CDC42BPA: variants seen among roughly 807,000 people sequenced by gnomAD.
The protein encoded by CDC42BPA is serine/threonine-protein kinase MRCK alpha.
CDC42BPA carries 80 observed loss-of-function variants against 223.5 expected under a neutral mutation model. The observed-to-expected ratio is 0.36, with a 90% CI of 0.30 to 0.43. The LOEUF is 0.43. CDC42BPA is among the 20% of genes least tolerant of loss of function. The probability of loss-of-function intolerance (pLI) is 1.00; values close to 1 mark genes in which losing one functional copy is unlikely to be tolerated. For missense variants in CDC42BPA, 1,743 were observed against 2,099.9 expected (o/e 0.83, Z 3.32); for synonymous variants, 694 against 718.6 (o/e 0.97, Z 0.55).
Position 227,180,206 on chromosome 1 carries a change from A to AAATCAATC in CDC42BPA, c.599+13572_599+13579dup, listed in dbSNP as rs201108821. Among the ~76,000 whole-genome samples the AAATCAATC allele has an allele frequency of 1.2e-4, 19 of 152,232 alleles. No homozygotes were observed. In the East Asian group the frequency reaches 3.5e-3, roughly 28 times the overall value. The stretch of plus-strand genomic sequence containing the variant: ...GGGTGACAGAGTGAGATTCCGTCAT[A>AAATCAATC]AATCAATCAATCAATCAATCAATCT... On this transcript the variant is annotated intron_variant, in intron 5 of 36. Coordinates refer to ENST00000366766, the MANE Select transcript of CDC42BPA (RefSeq NM_001394014.1).
At chr1:227,303,688 G>A (rs956826316) in intron 1 of CDC42BPA, among the ~76,000 whole-genome samples, 1 of 152,126 alleles carries the variant, frequency 6.6e-6, no homozygotes, top group African/African-American at 2.4e-5. Flanking sequence ...TTTCACCACT[G>A]CTAATTTGGA....
chr1:227,147,299 A>G, intron 7 of CDC42BPA, 60 bp downstream of exon 7: 1 of 1,197,258 alleles, frequency 8.4e-7, no homozygotes. Context: ...CTCTTTAAAA[A>G]TGGTTTTATT....
intron 2 of CDC42BPA, among the ~76,000 whole-genome samples, chr1:227,251,512 T>C (rs115725526): frequency 0.013 from 2,047 of 152,230 alleles, 28 homozygotes; most frequent in Non-Finnish European, 0.02. Flanking sequence ...CATATGCTTA[T>C]AGAAAGCTAA....
intron 2 of CDC42BPA, among the ~76,000 whole-genome samples, chr1:227,245,222 C>G (rs2670462): frequency 0.63 from 95,262 of 151,088 alleles, 30,191 homozygotes; most frequent in East Asian, 0.74. Context: ...AGGAACCAGA[C>G]TGACTCCTTC....
intron 1 of CDC42BPA, among the ~76,000 whole-genome samples, chr1:227,271,336 T>C (rs1685919820): frequency 6.6e-6 from 1 of 152,178 alleles, no homozygotes; most frequent in African/African-American, 2.4e-5. Flanking sequence ...GAGTGAGAAA[T>C]TTAGGTAGCA....
In CDC42BPA at chr1:226,990,856, T is replaced by C. The variant is rs1403567284; in HGVS notation, c.*3412A>G. On this transcript the variant is annotated 3_prime_UTR_variant, in exon 37 of 37. Transcript: ENST00000366766. ...GAATGATAGATTGTTGCTGTAAACATGACAGGAATTTCAGATTCTCCCCTG... is the reference window on the plus strand; with the variant it reads ...GAATGATAGATTGTTGCTGTAAACACGACAGGAATTTCAGATTCTCCCCTG... The C allele has an allele frequency of 6.6e-6, 1 of 152,664 alleles. No homozygotes were observed. Among genetic ancestry groups the C allele is most frequent in the Non-Finnish European group, 1.5e-5 (1 of 68,046 alleles). The allele number at this position is 152,664 out of a possible 1,614,324, so 9.5% of individuals were successfully genotyped here.
At chr1:227,147,896 T>TAA (rs35057127) in intron 6 of CDC42BPA, among the ~76,000 whole-genome samples, 1 of 146,738 alleles carries the variant, frequency 6.8e-6, no homozygotes, top group Non-Finnish European at 1.5e-5. Flanking sequence ...CCTATACGTG[T>TAA]AAAAAAAAAA....
intron 17 of CDC42BPA, among the ~76,000 whole-genome samples, 161 bp from the exon 18 acceptor site, chr1:227,074,525 C>G (rs1443246951): frequency 1.3e-5 from 2 of 152,144 alleles, no homozygotes; most frequent in Non-Finnish European, 2.9e-5. Context: ...CTGTCAACAA[C>G]TGGGAAGAGG....
intron 14 of CDC42BPA, among the ~76,000 whole-genome samples, chr1:227,110,991 A>C (rs1475734682): frequency 6.6e-6 from 1 of 152,252 alleles, no homozygotes; most frequent in African/African-American, 2.4e-5. Flanking sequence ...GTCCTTTGCC[A>C]GGGCCAAATT....
chr1:227,116,115 G>A (rs1232683771), intron 12 of CDC42BPA, among the ~76,000 whole-genome samples: 3 of 152,100 alleles, frequency 2.0e-5, no homozygotes, highest in African/African-American at 7.2e-5. Flanking sequence ...GGGCTGTGAT[G>A]GAGATTAAAT....
At chr1:227,102,696 A>G (rs72748189) in intron 14 of CDC42BPA, among the ~76,000 whole-genome samples, 1,879 of 152,266 alleles carry the variant, frequency 0.012, 20 homozygotes, top group Middle Eastern at 0.048. Context: ...AACACAAATG[A>G]TATTATTAAA....
At position 227,028,743 on chromosome 1, in the gene CDC42BPA, A is replaced by C; in HGVS notation, c.4346T>G (p.Phe1449Cys). 1 of 1,613,918 alleles carries C rather than the reference A, an allele frequency of 6.2e-7. No individual in the cohort carries two copies. Among genetic ancestry groups the C allele is most frequent in the Non-Finnish European group, 8.5e-7 (1 of 1,179,778 alleles). ...GTCAGTGTATATCCCAATGCTGTTA[A>C]AACACAGCAGATATTCTTTACTGGA... ...EISSKEYLLC[F>C]NSIGIYTDCQ... is the part of the protein sequence containing the mutation. Residue 1449 changes from phenylalanine (F) to cysteine (C), a missense_variant, in exon 30 of 37, where the codon TTT becomes TGT. Around this residue, in one of 6 missense-constraint regions of CDC42BPA, gnomAD observed 678 missense variants for 777.5 expected, o/e 0.87. Coordinates refer to ENST00000366766, the MANE Select transcript of CDC42BPA (RefSeq NM_001394014.1).
chr1:227,256,595 C>G (rs187166595), intron 1 of CDC42BPA, among the ~76,000 whole-genome samples: 1 of 152,160 alleles, frequency 6.6e-6, no homozygotes, highest in South Asian at 2.1e-4. Flanking sequence ...GATACCACTT[C>G]ACAACCTCTA....
intron 21 of CDC42BPA, among the ~76,000 whole-genome samples, chr1:227,066,086 T>C (rs1413001905): frequency 2.0e-5 from 3 of 152,038 alleles, no homozygotes; most frequent in Non-Finnish European, 4.4e-5. Flanking sequence ...GAGACCTGAT[T>C]TGCTCCTTAA....
intron 31 of CDC42BPA, 50 bp downstream of exon 31, chr1:227,026,005 G>T: frequency 4.1e-6 from 4 of 987,350 alleles, no homozygotes; most frequent in South Asian, 1.4e-5. Context: ...GTAATTTAGT[G>T]TTTTCACTTA....
intron 1 of CDC42BPA, among the ~76,000 whole-genome samples, chr1:227,255,862 T>C (rs974990648): frequency 6.6e-6 from 1 of 152,122 alleles, no homozygotes; most frequent in Non-Finnish European, 1.5e-5. Context: ...TTAATATTGT[T>C]AATATGACAA....
chr1:227,032,453 C>G (rs1049942618), intron 27 of CDC42BPA, among the ~76,000 whole-genome samples: 1 of 151,308 alleles, frequency 6.6e-6, no homozygotes, highest in East Asian at 2.0e-4. Flanking sequence ...TTTTTTTTAA[C>G]CTCTATTGTC....
intron 6 of CDC42BPA, among the ~76,000 whole-genome samples, chr1:227,157,208 T>C (rs531304623): frequency 1.3e-3 from 202 of 152,366 alleles, no homozygotes; most frequent in African/African-American, 4.6e-3. Flanking sequence ...CACTTATTTA[T>C]TGCATATGAT....
intron 1 of CDC42BPA, among the ~76,000 whole-genome samples, chr1:227,271,515 A>T (rs951944131): frequency 1.3e-5 from 2 of 152,136 alleles, no homozygotes; most frequent in Non-Finnish European, 2.9e-5. Flanking sequence ...TGTAGGAAAA[A>T]AAAAAGCAGT....
Sources: allele counts gnomAD v4.1 joint callset (sites outside exome capture counted in the v4.1 genomes callset), GRCh38; gene constraint gnomAD v4.1.1; regional missense constraint gnomAD v4.1.1; transcripts MANE v1.5; gene names NCBI Gene and HGNC (gene_info 2026-07-23, HGNC 2026-07-21).